ADRA1A: variants seen among roughly 807,000 people sequenced by gnomAD.
ADRA1A encodes adrenoceptor alpha 1A, also known as alpha-1A adrenergic receptor.
Under a neutral mutation model 29.6 loss-of-function variants are expected in ADRA1A, and 31 were observed. The ratio of observed to expected loss-of-function variants is 1.05; its 90% CI spans 0.79 to 1.41. The LOEUF is 1.41. Among genes scored for constraint, ADRA1A ranks in the 40% most tolerant of loss-of-function variants. The pLI, the probability that ADRA1A is intolerant of heterozygous loss-of-function variation, is 0.00. For missense variants in ADRA1A, 619 were observed against 601.1 expected (o/e 1.03, Z -0.31); for synonymous variants, 311 against 254.3 (o/e 1.22, Z -2.12).
chr8:26,792,537 C>G (rs989821875), intron 2 of ADRA1A, among the ~76,000 whole-genome samples: 2 of 150,436 alleles, frequency 1.3e-5, no homozygotes, highest in Non-Finnish European at 3.0e-5. Flanking sequence ...CTTAGTAGCA[C>G]AAAGAAGACC....
intron 2 of ADRA1A, among the ~76,000 whole-genome samples, chr8:26,833,317 G>A (rs1585790840): frequency 6.6e-6 from 1 of 152,266 alleles, no homozygotes; most frequent in South Asian, 2.1e-4. Context: ...CTTAGCTCCT[G>A]AGAACTCTGA....
intron 2 of ADRA1A, among the ~76,000 whole-genome samples, chr8:26,835,616 C>T (rs889994444): frequency 5.3e-5 from 8 of 152,082 alleles, no homozygotes; most frequent in Non-Finnish European, 1.2e-4. Flanking sequence ...GAAACTGCCC[C>T]CACGATTCAA....
downstream of ADRA1A, chr8:26,766,055 C>A (rs1475536858): frequency 1.9e-6 from 3 of 1,613,666 alleles, no homozygotes; most frequent in Non-Finnish European, 2.5e-6. Flanking sequence ...TGGAGATCAG[C>A]ATTCTGAACC....
In ADRA1A at chr8:26,865,398, C is replaced by T; in HGVS notation, c.-429G>A. The T allele has an allele frequency of 7.0e-6, 7 of 1,005,718 alleles. No homozygotes were observed. The highest frequency in any genetic ancestry group is 8.3e-6 in the Non-Finnish European group (7 of 842,246). 62.3% of individuals were successfully genotyped at this position (1,005,718 alleles called of 1,614,324 possible). On this transcript the variant is annotated 5_prime_UTR_variant, in exon 2 of 3. Coordinates refer to ENST00000380573, the MANE Select transcript of ADRA1A (RefSeq NM_000680.4). The surrounding 1 kb of genome is among the most constrained non-coding windows in gnomAD (Gnocchi z 7.6). ...AAGATTCAGCATTCTGCACATGATT[C>T]GGAATTCAAAACTCCAGCGCCAGTC...
chr8:26,865,072 A>T lies in ADRA1A; in HGVS notation c.-103T>A. The T allele has an allele frequency of 1.3e-6, 2 of 1,506,278 alleles. No individual in the cohort carries two copies. The highest frequency in any genetic ancestry group is 2.7e-5 in the South Asian group (2 of 74,886). The allele number at this position is 1,506,278 out of a possible 1,614,324, so 93.3% of individuals were successfully genotyped here. On this transcript the variant is annotated 5_prime_UTR_variant, in exon 2 of 3. Coordinates refer to ENST00000380573, the MANE Select transcript of ADRA1A (RefSeq NM_000680.4). This position sits in a 1 kb window ranked among gnomAD's most constrained non-coding sequence, Gnocchi z 7.6. The stretch of plus-strand genomic sequence containing the variant: ...CCGGGAATCAAAAGGTCTCGGCTGG[A>T]GGGAGCCCTGCCAGGTGGGTTTGGC...
intron 2 of ADRA1A, among the ~76,000 whole-genome samples, chr8:26,758,481 C>A (rs1455376460): frequency 1.3e-5 from 2 of 152,162 alleles, no homozygotes; most frequent in Non-Finnish European, 1.5e-5. Context: ...AGGGGGCCTA[C>A]TATGATTTTA....
rs1169345715 is a variant in ADRA1A, at chr8:26,866,897, C to T, written c.-687+39G>A. 4.1e-6 allele frequency: 4 copies of T among 985,300 alleles called. No homozygotes were observed. Among genetic ancestry groups the T allele is most frequent in the Non-Finnish European group, 4.8e-6 (4 of 830,012 alleles). 61.0% of individuals were successfully genotyped at this position (985,300 alleles called of 1,614,324 possible). A position where few individuals can be genotyped will look rare whatever the true frequency, so the allele number is the denominator to read the frequency against. ...GACGGCGGGGGAGGTCTGCCCTCAC[C>T]CACTCGGCCCTGCGGGACGCCGGCC... On this transcript the variant is annotated intron_variant, in intron 1 of 2. Transcript: ENST00000380573. This position sits in a 1 kb window ranked among gnomAD's most constrained non-coding sequence, Gnocchi z 5.7.
At chr8:26,840,932 C>G (rs998183409) in intron 2 of ADRA1A, among the ~76,000 whole-genome samples, 2 of 152,150 alleles carry the variant, frequency 1.3e-5, no homozygotes, top group African/African-American at 4.8e-5. Flanking sequence ...TGGGCATGAT[C>G]ACAGTTGTAG....
At position 26,769,619 on chromosome 8, in the gene ADRA1A, G is replaced by A. The variant is rs529114254; in HGVS notation, c.*530C>T. On this transcript the variant is annotated 3_prime_UTR_variant, in exon 3 of 3. Coordinates refer to ENST00000380573, the MANE Select transcript of ADRA1A (RefSeq NM_000680.4). Reference sequence around the variant, plus strand: ...GCTGAGAAATTGGATGTATCAGAAAGGGTGGAGTTTCAGGACTTGCTCTAA... The same window carrying A: ...GCTGAGAAATTGGATGTATCAGAAAAGGTGGAGTTTCAGGACTTGCTCTAA... 1.0e-6 allele frequency: 1 copy of A among 985,616 alleles called. No homozygotes were observed. Among genetic ancestry groups the A allele is most frequent in the Non-Finnish European group, 1.2e-6 (1 of 830,084 alleles). The allele number at this position is 985,616 out of a possible 1,614,324, so 61.1% of individuals were successfully genotyped here. A position where few individuals can be genotyped will look rare whatever the true frequency, so the allele number is the denominator to read the frequency against.
intron 2 of ADRA1A, among the ~76,000 whole-genome samples, chr8:26,835,017 A>G (rs950273116): frequency 7.2e-5 from 11 of 152,234 alleles, no homozygotes; most frequent in Non-Finnish European, 1.6e-4. Flanking sequence ...TTAAAAAGAA[A>G]GCCAATGTCA....
intron 2 of ADRA1A, among the ~76,000 whole-genome samples, chr8:26,822,335 A>G (rs1190200385): frequency 6.6e-6 from 1 of 152,196 alleles, no homozygotes. Context: ...GTTTTGTTAA[A>G]TTGTCTGAGG....
downstream of ADRA1A, among the ~76,000 whole-genome samples, chr8:26,761,979 C>T (rs888914663): frequency 5.3e-5 from 8 of 152,124 alleles, no homozygotes; most frequent in African/African-American, 1.9e-4. Context: ...ATGGGTTAAG[C>T]ATTGCTCAAT....
At chr8:26,855,958 TAAG>T (rs1310998460) in intron 2 of ADRA1A, among the ~76,000 whole-genome samples, 1 of 152,210 alleles carries the variant, frequency 6.6e-6, no homozygotes, top group Non-Finnish European at 1.5e-5. Context: ...ACTAAGTGAC[TAAG>T]GATTATTACT....
intron 2 of ADRA1A, among the ~76,000 whole-genome samples, chr8:26,846,681 G>T (rs1195139223): frequency 6.6e-6 from 1 of 152,152 alleles, no homozygotes; most frequent in Non-Finnish European, 1.5e-5. Context: ...CTGAGGCAGG[G>T]CAATCACTTG....
intron 2 of ADRA1A, among the ~76,000 whole-genome samples, chr8:26,850,096 G>C (rs992718993): frequency 6.6e-6 from 1 of 150,738 alleles, no homozygotes. Flanking sequence ...AGGAAGATCA[G>C]AGCAGAGGAC....
At position 26,813,732 on chromosome 8, in the gene ADRA1A, C is replaced by G. The variant is rs183639828; in HGVS notation, c.884-43066G>C. Among the ~76,000 whole-genome samples the G allele has an allele frequency of 2.3e-3, 342 of 151,768 alleles. 2 individuals are homozygous for G. The highest frequency in any genetic ancestry group is 8.0e-3 in the African/African-American group (331 of 41,182). On this transcript the variant is annotated intron_variant, in intron 2 of 2. Transcript: ENST00000380573. ...TCAATAGCTAGTTTTGATAAGGTGG[C>G]ATTTTTTCTCATTATTTTATTTCCC...
chr8:26,777,806 C>T (rs1169388731), intron 2 of ADRA1A, among the ~76,000 whole-genome samples: 1 of 152,242 alleles, frequency 6.6e-6, no homozygotes, highest in Non-Finnish European at 1.5e-5. Context: ...ACCGGGCACA[C>T]TGTGCTGGGC....
downstream of ADRA1A, among the ~76,000 whole-genome samples, chr8:26,761,958 T>C (rs1805527409): frequency 6.6e-6 from 1 of 152,112 alleles, no homozygotes. Flanking sequence ...TTGCTTAGGG[T>C]ATACATTCCG....
chr8:26,824,597 C>T (rs984816611), intron 2 of ADRA1A, among the ~76,000 whole-genome samples: 67 of 152,264 alleles, frequency 4.4e-4, no homozygotes, highest in Non-Finnish European at 1.6e-4. Context: ...CAGTAGAACA[C>T]GCTGCCCCTC....
Sources: gnomAD v4.1 joint callset for allele counts (sites outside exome capture counted in the v4.1 genomes callset) on GRCh38, gnomAD v4.1.1 for gene constraint, Gnocchi (gnomAD v3.1) non-coding constraint, MANE v1.5 for transcripts, NCBI Gene and HGNC (gene_info 2026-07-23, HGNC 2026-07-21) for gene names.